Variants in SEPTIN10 observed in about 807,000 individuals in gnomAD.
The protein encoded by SEPTIN10 is septin 10.
Under a neutral mutation model 54.8 loss-of-function variants are expected in SEPTIN10, and 66 were observed. That is an observed-to-expected ratio of 1.21 (90% CI 0.99 to 1.48). The LOEUF (loss-of-function observed/expected upper bound fraction) is 1.48, where lower values mean the gene tolerates loss of function less well. Among genes scored for constraint, SEPTIN10 ranks in the 40% most tolerant of loss-of-function variants. SEPTIN10 has a pLI of 0.00. For synonymous variants in SEPTIN10, 161 were observed against 181.0 expected (o/e 0.89, Z 0.89); for missense variants, 620 against 545.6 (o/e 1.14, Z -1.36).
intron 1 of SEPTIN10, among the ~76,000 whole-genome samples, chr2:109,606,944 G>A (rs960510429): frequency 2.6e-5 from 4 of 151,972 alleles, no homozygotes; most frequent in Admixed American, 1.3e-4. Context: ...GAGCCACCAC[G>A]CCCAGCAAAG....
intron 5 of SEPTIN10, among the ~76,000 whole-genome samples, chr2:109,569,054 AGTTT>A (rs780267582): frequency 2.0e-5 from 3 of 152,198 alleles, no homozygotes; most frequent in Non-Finnish European, 4.4e-5. Context: ...TAAGTTTTTT[AGTTT>A]GTTTTTCATC....
chr2:109,603,395 T>C (rs1697109395), intron 1 of SEPTIN10, among the ~76,000 whole-genome samples: 1 of 152,016 alleles, frequency 6.6e-6, no homozygotes, highest in African/African-American at 2.4e-5. Context: ...CCGCCACGCC[T>C]GGCTAATTTT....
intron 1 of SEPTIN10, among the ~76,000 whole-genome samples, chr2:109,600,254 T>C (rs1696324615): frequency 6.6e-6 from 1 of 152,190 alleles, no homozygotes; most frequent in South Asian, 2.1e-4. Flanking sequence ...GAAGGCTTTC[T>C]CCCCAGCACC....
intron 6 of SEPTIN10, 127 bp downstream of exon 6, chr2:109,567,688 G>A: frequency 1.0e-6 from 1 of 973,716 alleles, no homozygotes. Context: ...TGGACTTTTT[G>A]AAAATTCACC....
chr2:109,565,911 GATAAA>G, intron 6 of SEPTIN10, 52 bp from the exon 7 acceptor site: 1 of 1,426,696 alleles, frequency 7.0e-7, no homozygotes, highest in Non-Finnish European at 9.9e-7. Flanking sequence ...TAACTGACTA[GATAAA>G]ATAAATTTTA....
At chr2:109,612,009 C>T (rs1432205039) in intron 1 of SEPTIN10, among the ~76,000 whole-genome samples, 1 of 152,126 alleles carries the variant, frequency 6.6e-6, no homozygotes, top group Non-Finnish European at 1.5e-5. Flanking sequence ...AAGACTTATG[C>T]TTACATTATG....
chr2:109,564,571 T>C (rs745699693), intron 7 of SEPTIN10, 37 bp from the exon 8 acceptor site: 2 of 1,446,450 alleles, frequency 1.4e-6, no homozygotes, highest in Admixed American at 2.3e-5. Flanking sequence ...CAACACTGGA[T>C]TTTAATTCCT....
At chr2:109,613,079 G>T (rs1304833812) in intron 1 of SEPTIN10, 6 of 683,234 alleles carry the variant, frequency 8.8e-6, no homozygotes, top group African/African-American at 3.7e-5. Flanking sequence ...CACAGGCATC[G>T]GGCCTCCAAA....
chr2:109,545,544 T>C (rs2104532086), intron 10 of SEPTIN10: 4 of 1,535,556 alleles, frequency 2.6e-6, no homozygotes, highest in Admixed American at 2.0e-5. Flanking sequence ...CCTGGTTCCC[T>C]TATTAAAATA....
At chr2:109,594,937 G>T (rs1161361575) in intron 1 of SEPTIN10, 1 of 151,998 alleles carries the variant, frequency 6.6e-6, no homozygotes, top group East Asian at 1.9e-4. Context: ...ACCCAGGCTG[G>T]AGTGCAGGGG....
intron 8 of SEPTIN10, among the ~76,000 whole-genome samples, chr2:109,555,194 G>A (rs529407574): frequency 4.5e-4 from 69 of 152,274 alleles, no homozygotes; most frequent in African/African-American, 1.7e-3. Flanking sequence ...GCTATCTATA[G>A]AATAAGGTCC....
intron 1 of SEPTIN10, chr2:109,613,385 T>A: frequency 6.1e-6 from 2 of 327,684 alleles, no homozygotes; most frequent in Non-Finnish European, 1.2e-5. Flanking sequence ...GGAGCCGGGC[T>A]TTCTCCCGGC....
chr2:109,613,041 T>A, intron 1 of SEPTIN10: 1 of 549,348 alleles, frequency 1.8e-6, no homozygotes, highest in Admixed American at 2.3e-5. Flanking sequence ...TATCAAAAAT[T>A]AAAAGGGAGA....
chr2:109,544,648 T>C, intron 10 of SEPTIN10: 2 of 925,314 alleles, frequency 2.2e-6, no homozygotes, highest in Non-Finnish European at 2.6e-6. Flanking sequence ...TGGGTTAAGA[T>C]GAAAGGAAAA....
rs796065558 is a variant in SEPTIN10 at position 109,610,324 on chromosome 2, A to G, written c.30+3474T>C. On this transcript the variant is annotated intron_variant, in intron 1 of 10. Transcript: ENST00000397712. ...AGGATGGTCTCAATCTCTTGACCTC[A>G]TGATCCATCCATCTGGGCCTCCCAA... 4.6e-5 allele frequency among the ~76,000 whole-genome samples: 7 copies of G among 152,218 alleles called. 1 individual carries two copies. Among genetic ancestry groups the G allele is most frequent in the African/African-American group, 1.7e-4 (7 of 41,538 alleles).
rs759947314 is a variant in SEPTIN10 at position 109,585,302 on chromosome 2, T to C, written c.237A>G (p.Lys79=). 1 of 1,602,818 alleles carries C rather than the reference T, an allele frequency of 6.2e-7. No individual in the cohort carries two copies. Among genetic ancestry groups the C allele is most frequent in the African/African-American group, 1.3e-5 (1 of 74,388 alleles). Residue 79 remains lysine (K), a synonymous_variant, in exon 4 of 11, where the codon AAA becomes AAG. Coordinates refer to ENST00000397712, the MANE Select transcript of SEPTIN10 (RefSeq NM_144710.5). The part of the protein sequence containing the change: ...ILCVGETGIG[K]STLIDTLFNT... ...TAAACAATGTGTCAATCAGTGTTGATTTTCCAATTCCAGTTTCCCCTGAAA... is the reference window on the plus strand; with the variant it reads ...TAAACAATGTGTCAATCAGTGTTGACTTTCCAATTCCAGTTTCCCCTGAAA...
At chr2:109,594,514 T>C (rs555985494) in intron 1 of SEPTIN10, among the ~76,000 whole-genome samples, 1 of 152,302 alleles carries the variant, frequency 6.6e-6, no homozygotes, top group Non-Finnish European at 1.5e-5. Flanking sequence ...GCAGTAGTAT[T>C]TAGATCTACC....
chr2:109,602,556 T>A (rs772827687), intron 1 of SEPTIN10, among the ~76,000 whole-genome samples: 12 of 151,246 alleles, frequency 7.9e-5, no homozygotes, highest in Non-Finnish European at 1.3e-4. Flanking sequence ...ATGCCTATAA[T>A]CCCAGCTACT....
At chr2:109,588,671 A>C (rs1693176321) in intron 2 of SEPTIN10, among the ~76,000 whole-genome samples, 1 of 148,374 alleles carries the variant, frequency 6.7e-6, no homozygotes. Flanking sequence ...TTGTATTTTT[A>C]ATAGAGATGG....
Sources: gnomAD v4.1 joint callset for allele counts (sites outside exome capture counted in the v4.1 genomes callset) on GRCh38, gnomAD v4.1.1 for gene constraint, MANE v1.5 for transcripts, NCBI Gene and HGNC (gene_info 2026-07-23, HGNC 2026-07-21) for gene names.